The following ZFHX3 variants were observed in gnomAD, a reference collection of about 807,000 sequenced individuals.
ZFHX3 encodes the protein zinc finger homeobox 3.
In ZFHX3, 42 loss-of-function variants were observed where a neutral mutation model predicts 279.1. The observed-to-expected ratio is 0.15, with a 90% CI of 0.12 to 0.19. The LOEUF is 0.19. ZFHX3 is among the 10% of genes least tolerant of loss of function. ZFHX3 has a pLI of 1.00. For missense variants in ZFHX3, 4,981 were observed against 4,754.0 expected (o/e 1.05, Z -1.40); for synonymous variants, 2,293 against 1,957.8 (o/e 1.17, Z -4.52).
intron 1 of ZFHX3, among the ~76,000 whole-genome samples, chr16:73,787,760 T>C (rs1318516058): frequency 1.3e-5 from 2 of 151,872 alleles, no homozygotes; most frequent in African/African-American, 4.8e-5. Flanking sequence ...ATCCCAACAC[T>C]GGATAGGCCT....
At chr16:73,482,487 C>T (rs2018887353) in intron 2 of ZFHX3, among the ~76,000 whole-genome samples, 1 of 152,122 alleles carries the variant, frequency 6.6e-6, no homozygotes. Context: ...CCGGCCCCTC[C>T]CTGCACACAT....
chr16:73,331,566 T>G (rs2143228707), intron 3 of ZFHX3, among the ~76,000 whole-genome samples: 1 of 152,292 alleles, frequency 6.6e-6, no homozygotes, highest in Admixed American at 6.5e-5. Flanking sequence ...AATTGTGCTT[T>G]CCTAAGTGTC....
At chr16:73,849,835 C>T (rs1032781977) in intron 1 of ZFHX3, among the ~76,000 whole-genome samples, 1 of 152,186 alleles carries the variant, frequency 6.6e-6, no homozygotes, top group African/African-American at 2.4e-5. Flanking sequence ...CAGGTTCAAG[C>T]GGTTCTCCTG....
chr16:72,960,521 G>A (rs183752538), intron 1 of ZFHX3, among the ~76,000 whole-genome samples: 280 of 152,216 alleles, frequency 1.8e-3, no homozygotes, highest in African/African-American at 6.6e-3. Flanking sequence ...TAGCTTCGAT[G>A]GGCCACAGTG....
chr16:73,341,172 C>T (rs193084117), intron 3 of ZFHX3, among the ~76,000 whole-genome samples: 1 of 152,142 alleles, frequency 6.6e-6, no homozygotes, highest in African/African-American at 2.4e-5. Context: ...AAAACCCAGT[C>T]TCTACTAAAA....
rs572227066 is a variant in ZFHX3 at position 73,864,556 on chromosome 16, T to C, written c.-1608+27095A>G. 2.2e-4 allele frequency among the ~76,000 whole-genome samples: 34 copies of C among 152,194 alleles called. No homozygotes were observed. In the South Asian group the frequency reaches 6.5e-3, roughly 29 times the overall value. On this transcript the variant is annotated intron_variant, in intron 1 of 17. Transcript: ENST00000641206. ...CAACATGGTGAAACCCTGTCTCTAC[T>C]GGAAATACAAAAATTAGCTGGGCAT...
At chr16:73,088,861 A>AC (rs1966039938) in intron 8 of ZFHX3, among the ~76,000 whole-genome samples, 1 of 152,026 alleles carries the variant, frequency 6.6e-6, no homozygotes, top group Middle Eastern at 3.2e-3. Context: ...GACAGTCTTG[A>AC]CCCTACATAG....
chr16:73,798,300 A>T (rs1326584673), intron 1 of ZFHX3, among the ~76,000 whole-genome samples: 1 of 151,834 alleles, frequency 6.6e-6, no homozygotes, highest in Admixed American at 6.6e-5. Context: ...TTCTCTTTTT[A>T]GGGAAGATAT....
chr16:73,470,367 T>C (rs1029046548), intron 2 of ZFHX3, among the ~76,000 whole-genome samples: 1 of 152,212 alleles, frequency 6.6e-6, no homozygotes, highest in Admixed American at 6.5e-5. Flanking sequence ...CAGACAGTCC[T>C]GGTCTGTATC....
chr16:73,864,612 G>T (rs1015390029), intron 1 of ZFHX3, among the ~76,000 whole-genome samples: 1 of 152,138 alleles, frequency 6.6e-6, no homozygotes, highest in Non-Finnish European at 1.5e-5. Flanking sequence ...CCAGCTACTT[G>T]GGAGGTTGAG....
chr16:72,953,083 C>T (rs966226129), intron 2 of ZFHX3, among the ~76,000 whole-genome samples: 6 of 152,088 alleles, frequency 3.9e-5, no homozygotes, highest in Admixed American at 2.6e-4. Context: ...CAAGTCACCT[C>T]GAGTGATAAG....
chr16:73,353,401 G>A (rs1322416554), intron 3 of ZFHX3, among the ~76,000 whole-genome samples: 1 of 152,192 alleles, frequency 6.6e-6, no homozygotes, highest in African/African-American at 2.4e-5. Flanking sequence ...CGACCTGACT[G>A]AAATGAGCAC....
intron 2 of ZFHX3, among the ~76,000 whole-genome samples, chr16:73,509,037 A>G (rs1414667206): frequency 6.6e-6 from 1 of 152,216 alleles, no homozygotes; most frequent in Non-Finnish European, 1.5e-5. Flanking sequence ...AGTGTCATAG[A>G]GAAATGCGTG....
intron 1 of ZFHX3, among the ~76,000 whole-genome samples, chr16:73,877,734 C>G (rs2030000067): frequency 1.3e-5 from 2 of 151,820 alleles, no homozygotes; most frequent in Non-Finnish European, 2.9e-5. Context: ...GGATTTTGTT[C>G]GGAGGAAAAA....
intron 1 of ZFHX3, among the ~76,000 whole-genome samples, chr16:73,843,887 A>T (rs1468477495): frequency 2.6e-5 from 4 of 152,198 alleles, no homozygotes; most frequent in Admixed American, 2.6e-4. Flanking sequence ...GTTTCAATAA[A>T]ACTTTATGGA....
intron 4 of ZFHX3, among the ~76,000 whole-genome samples, chr16:73,264,332 T>C (rs1302794965): frequency 6.6e-6 from 1 of 151,938 alleles, no homozygotes; most frequent in Non-Finnish European, 1.5e-5. Context: ...AAATGAAGGG[T>C]TTCCTGGTTT....
chr16:73,225,291 GC>G (rs2012558314), intron 5 of ZFHX3, among the ~76,000 whole-genome samples: 2 of 152,254 alleles, frequency 1.3e-5, no homozygotes, highest in South Asian at 4.1e-4. Flanking sequence ...ATTCTGAACA[GC>G]CCTATAGGCT....
At chr16:73,764,908 G>C (rs2053912974) in intron 1 of ZFHX3, among the ~76,000 whole-genome samples, 1 of 152,148 alleles carries the variant, frequency 6.6e-6, no homozygotes, top group Non-Finnish European at 1.5e-5. Context: ...TAAATCTTCT[G>C]TTTTGTGTCC....
intron 1 of ZFHX3, among the ~76,000 whole-genome samples, chr16:73,718,665 G>C (rs1413511940): frequency 6.6e-6 from 1 of 150,648 alleles, no homozygotes; most frequent in Non-Finnish European, 1.5e-5. Context: ...ACCCAGGCTG[G>C]AGTGCAGTGG....
Sources: allele counts gnomAD v4.1 joint callset (sites outside exome capture counted in the v4.1 genomes callset), GRCh38; gene constraint gnomAD v4.1.1; transcripts MANE v1.5; gene names NCBI Gene and HGNC (gene_info 2026-07-23, HGNC 2026-07-21).